The following NDRG1 variants were observed in gnomAD, a reference collection of about 807,000 sequenced individuals.
The protein encoded by NDRG1 is N-myc downstream regulated 1, also known as protein NDRG1.
NDRG1 carries 32 observed loss-of-function variants against 56.9 expected under a neutral mutation model. That is an observed-to-expected ratio of 0.56 (90% CI 0.42 to 0.76). NDRG1 has a LOEUF of 0.76. Ranked by LOEUF, NDRG1 falls within the 30% of genes least tolerant of loss-of-function variation. NDRG1 has a pLI of 0.00. For missense variants in NDRG1, 507 were observed against 545.7 expected (o/e 0.93, Z 0.71); for synonymous variants, 211 against 204.1 (o/e 1.03, Z -0.29).
chr8:133,237,773 C>T lies in NDRG1; in HGVS notation c.*1105G>A, dbSNP rs920917027. ...CAGACAGGTTCAGCTACTGAGTTCA[C>T]GTTCCAGCCCAGCTGTCGAAGATTG... On this transcript the variant is annotated 3_prime_UTR_variant, in exon 16 of 16. Transcript: ENST00000323851. 8.5e-5 allele frequency: 18 copies of T among 211,410 alleles called. No homozygotes were observed. Among genetic ancestry groups the T allele is most frequent in the Middle Eastern group, 1.4e-3 (1 of 694 alleles). 13.1% of individuals were successfully genotyped at this position (211,410 alleles called of 1,614,324 possible). A position where few individuals can be genotyped will look rare whatever the true frequency, so the allele number is the denominator to read the frequency against.
At chr8:133,284,393 A>G in intron 1 of NDRG1, 64 bp from the exon 2 acceptor site, 1 of 1,492,944 alleles carries the variant, frequency 6.7e-7, no homozygotes, top group Non-Finnish European at 9.3e-7. Flanking sequence ...AAGGAAGCAA[A>G]TCCAAGACCA....
At chr8:133,269,261 T>C (rs1488053895) in intron 3 of NDRG1, among the ~76,000 whole-genome samples, 1 of 151,982 alleles carries the variant, frequency 6.6e-6, no homozygotes, top group Non-Finnish European at 1.5e-5. Context: ...TCCTCCACCA[T>C]CCAGAGCCCC....
chr8:133,254,212 C>T (rs1856240202), intron 9 of NDRG1, among the ~76,000 whole-genome samples: 1 of 152,106 alleles, frequency 6.6e-6, no homozygotes, highest in Non-Finnish European at 1.5e-5. Context: ...TCAAGGGGCA[C>T]AAGGAAACTC....
At position 133,248,114 on chromosome 8, in the gene NDRG1, A is replaced by C. The variant is rs531072956; in HGVS notation, c.756-188T>G. Among the ~76,000 whole-genome samples, 6 of 152,342 alleles carry C rather than the reference A, an allele frequency of 3.9e-5. No individual in the cohort carries two copies. In the South Asian group the frequency reaches 1.2e-3, roughly 32 times the overall value. The stretch of plus-strand genomic sequence containing the variant: ...ATTGGTTACTAGTCATTCACAACTT[A>C]GTATGAATTTCAGCCAGGGAATTTC... On this transcript the variant is annotated intron_variant, in intron 11 of 15. Coordinates refer to ENST00000323851, the MANE Select transcript of NDRG1 (RefSeq NM_006096.4).
In NDRG1 at chr8:133,297,231, A is replaced by C. The variant is rs1023353900; in HGVS notation, c.-116T>G. 6.6e-6 allele frequency: 1 copy of C among 152,162 alleles called. No individual in the cohort carries two copies. Among genetic ancestry groups the C allele is most frequent in the Non-Finnish European group, 1.5e-5 (1 of 68,072 alleles). 9.4% of individuals were successfully genotyped at this position (152,162 alleles called of 1,614,324 possible). A position where few individuals can be genotyped will look rare whatever the true frequency, so the allele number is the denominator to read the frequency against. Reference sequence around the variant, plus strand: ...TGGTGAACTGACGAGCTTCAGCACCAGCTGGGAGCCAGGCGAGGTTTGTTT... The same window carrying C: ...TGGTGAACTGACGAGCTTCAGCACCCGCTGGGAGCCAGGCGAGGTTTGTTT... On this transcript the variant is annotated 5_prime_UTR_variant, in exon 1 of 16. Coordinates refer to ENST00000323851, the MANE Select transcript of NDRG1 (RefSeq NM_006096.4).
rs940495624 is a variant in NDRG1 at position 133,239,000 on chromosome 8, G to A, written c.1063C>T (p.His355Tyr). 6.3e-7 allele frequency: 1 copy of A among 1,596,652 alleles called. No individual in the cohort carries two copies. The highest frequency in any genetic ancestry group is 8.5e-7 in the Non-Finnish European group (1 of 1,173,074). ...CGGCTGCGGGTGCCCTCGCTGGTGT[G>A]GGAGCGGCTTCGGGTGCCCTCGCTG... ...HTSEGTRSRS[H>Y]TSEGTRSRSH... Residue 355 changes from histidine (H) to tyrosine (Y), a missense_variant, in exon 16 of 16, where the codon CAC becomes TAC. Coordinates refer to ENST00000323851, the MANE Select transcript of NDRG1 (RefSeq NM_006096.4).
chr8:133,250,903 T>G (rs1450438817), intron 9 of NDRG1, among the ~76,000 whole-genome samples: 4 of 127,012 alleles, frequency 3.1e-5, no homozygotes, highest in African/African-American at 1.2e-4. Flanking sequence ...GAGCCTCAGA[T>G]CTCTTAAAAA....
intron 3 of NDRG1, among the ~76,000 whole-genome samples, chr8:133,279,849 G>A (rs1444810107): frequency 6.6e-6 from 1 of 152,188 alleles, no homozygotes; most frequent in East Asian, 1.9e-4. Context: ...CCACAGAGAA[G>A]GCTGGTTTCA....
chr8:133,253,373 C>T (rs1040984249), intron 9 of NDRG1, among the ~76,000 whole-genome samples: 5 of 152,234 alleles, frequency 3.3e-5, no homozygotes, highest in African/African-American at 1.2e-4. Context: ...CTAATACCGG[C>T]CCCACCTCTC....
At position 133,263,251 on chromosome 8, in the gene NDRG1, G is replaced by A. The variant is rs143916575; in HGVS notation, c.206-1084C>T. Reference sequence around the variant, plus strand: ...AGATAAAAGAAGGTGAGAATGAAGTGAAAAAGTGTTTTCAGTGGATTTCAG... The same window carrying A: ...AGATAAAAGAAGGTGAGAATGAAGTAAAAAAGTGTTTTCAGTGGATTTCAG... On this transcript the variant is annotated intron_variant, in intron 4 of 15. Coordinates refer to ENST00000323851, the MANE Select transcript of NDRG1 (RefSeq NM_006096.4). 3.1e-3 allele frequency among the ~76,000 whole-genome samples: 474 copies of A among 152,226 alleles called. 3 individuals are homozygous for A. The highest frequency in any genetic ancestry group is 0.011 in the African/African-American group (464 of 41,538).
At chr8:133,296,149 G>C (rs569567632) in intron 1 of NDRG1, among the ~76,000 whole-genome samples, 1 of 152,238 alleles carries the variant, frequency 6.6e-6, no homozygotes, top group South Asian at 2.1e-4. Flanking sequence ...ATCTCCTCCC[G>C]AGGCTGAATC....
At chr8:133,274,393 A>C (rs902354817) in intron 3 of NDRG1, among the ~76,000 whole-genome samples, 4 of 152,240 alleles carry the variant, frequency 2.6e-5, no homozygotes, top group African/African-American at 7.2e-5. Flanking sequence ...TGAGTTAGTC[A>C]AAGTGCTGAA....
At chr8:133,284,204 T>G in intron 2 of NDRG1, 45 bp downstream of exon 2, 1 of 1,581,274 alleles carries the variant, frequency 6.3e-7, no homozygotes, top group Non-Finnish European at 8.7e-7. Context: ...TGTGTCTATG[T>G]GCACATGTGC....
At chr8:133,259,744 G>A (rs1254601374) in intron 5 of NDRG1, among the ~76,000 whole-genome samples, 2 of 152,204 alleles carry the variant, frequency 1.3e-5, no homozygotes, top group Non-Finnish European at 2.9e-5. Flanking sequence ...CGGGCTCTTG[G>A]TGAGGCAATG....
intron 3 of NDRG1, among the ~76,000 whole-genome samples, chr8:133,268,868 C>T (rs568295699): frequency 4.6e-4 from 49 of 107,416 alleles, no homozygotes; most frequent in African/African-American, 2.6e-3. Context: ...CTAAGTCACA[C>T]ACACACACAC....
At chr8:133,245,169 A>T (rs1855603391) in intron 13 of NDRG1, among the ~76,000 whole-genome samples, 1 of 152,104 alleles carries the variant, frequency 6.6e-6, no homozygotes, top group Non-Finnish European at 1.5e-5. Flanking sequence ...GGATGCCCGA[A>T]TTTTTCCTCC....
intron 1 of NDRG1, among the ~76,000 whole-genome samples, chr8:133,291,599 G>A (rs1386140206): frequency 1.3e-5 from 2 of 152,116 alleles, no homozygotes; most frequent in African/African-American, 4.8e-5. Context: ...TGGATTCACT[G>A]GACCTTCAAG....
At chr8:133,247,572 G>A (rs1466438398) in intron 12 of NDRG1, among the ~76,000 whole-genome samples, 1 of 152,220 alleles carries the variant, frequency 6.6e-6, no homozygotes, top group African/African-American at 2.4e-5. Flanking sequence ...CAAATAAGAG[G>A]TGAGTCTCTT....
At chr8:133,296,688 G>GACACAC in intron 1 of NDRG1, 1 of 312,322 alleles carries the variant, frequency 3.2e-6, no homozygotes, top group Non-Finnish European at 6.2e-6. Context: ...TCCGTTCCCA[G>GACACAC]ACACAGACAC....
Sources: allele counts gnomAD v4.1 joint callset (sites outside exome capture counted in the v4.1 genomes callset), GRCh38; gene constraint gnomAD v4.1.1; transcripts MANE v1.5; gene names NCBI Gene and HGNC (gene_info 2026-07-23, HGNC 2026-07-21).